The following ESRRG variants were observed in gnomAD, a reference collection of about 807,000 sequenced individuals.
ESRRG encodes estrogen related receptor gamma, also known as estrogen-related receptor gamma.
A neutral mutation model predicts 44.0 loss-of-function variants in ESRRG; 13 were observed. That is an observed-to-expected ratio of 0.30 (90% CI 0.19 to 0.47). The LOEUF (loss-of-function observed/expected upper bound fraction) is 0.47. Among genes scored for constraint, ESRRG ranks in the 20% least tolerant of loss-of-function variants. The pLI is 1.00. For missense variants in ESRRG, 395 were observed against 580.6 expected, an observed-to-expected ratio of 0.68 and a Z score of 3.29; for synonymous variants, 215 against 214.6, an observed-to-expected ratio of 1.00 and a Z score of -0.02.
At chr1:216,898,508 C>T (rs987210989) in intron 2 of ESRRG, among the ~76,000 whole-genome samples, 1 of 152,084 alleles carries the variant, frequency 6.6e-6, no homozygotes, top group Admixed American at 6.5e-5. Flanking sequence ...ATCCCAGCTA[C>T]TCAGGAGGCT....
chr1:216,615,669 G>A (rs1394280525), intron 3 of ESRRG, among the ~76,000 whole-genome samples: 1 of 151,522 alleles, frequency 6.6e-6, no homozygotes, highest in Non-Finnish European at 1.5e-5. Flanking sequence ...CCTCACTCTA[G>A]TGTTACCCAT....
At chr1:216,805,954 G>T (rs530329619) in intron 2 of ESRRG, among the ~76,000 whole-genome samples, 1 of 152,248 alleles carries the variant, frequency 6.6e-6, no homozygotes, top group Admixed American at 6.5e-5. Context: ...ACCCAAACGT[G>T]GTTAGCTGGG....
intron 3 of ESRRG, among the ~76,000 whole-genome samples, chr1:216,640,384 G>C (rs1478614152): frequency 6.6e-6 from 1 of 151,980 alleles, no homozygotes; most frequent in African/African-American, 2.4e-5. Context: ...AACCTAGCCT[G>C]CTTCTCATCA....
At chr1:216,824,878 C>T (rs2095363677) in intron 2 of ESRRG, among the ~76,000 whole-genome samples, 1 of 152,188 alleles carries the variant, frequency 6.6e-6, no homozygotes, top group Non-Finnish European at 1.5e-5. Context: ...AGTTTGCTGT[C>T]TACCTGCCTT....
rs1430976705 is a variant in ESRRG, at chr1:216,650,968, C to A, written c.589+5G>T. 1.3e-6 allele frequency: 2 copies of A among 1,583,028 alleles called. No individual in the cohort carries two copies. The highest frequency in any genetic ancestry group is 2.2e-5 in the South Asian group (2 of 90,484). On this transcript the variant is annotated splice_donor_5th_base_variant and intron_variant, in intron 3 of 6. Transcript: ENST00000408911. ...AACCTCAGGGGCACTAGCAAAGAGC[C>A]TTACCTTCTTTCAGCATGCCCACTT...
chr1:216,796,186 G>A (rs988161025), intron 2 of ESRRG, among the ~76,000 whole-genome samples: 1 of 152,180 alleles, frequency 6.6e-6, no homozygotes, highest in African/African-American at 2.4e-5. Flanking sequence ...GAGCAGTGGG[G>A]TGAGGAAGAA....
intron 3 of ESRRG, among the ~76,000 whole-genome samples, chr1:216,613,006 C>A (rs975561748): frequency 3.9e-5 from 6 of 152,130 alleles, no homozygotes; most frequent in Non-Finnish European, 5.9e-5. Flanking sequence ...AAATTTTCAG[C>A]TTTTCGAATT....
intron 2 of ESRRG, among the ~76,000 whole-genome samples, chr1:216,739,958 G>T (rs1388483294): frequency 6.6e-6 from 1 of 152,136 alleles, no homozygotes; most frequent in Admixed American, 6.5e-5. Context: ...CCTGCAGATT[G>T]TCTTGTAAAT....
chr1:217,002,545 T>C (rs756499231), intron 1 of ESRRG, among the ~76,000 whole-genome samples: 26 of 152,040 alleles, frequency 1.7e-4, no homozygotes, highest in Admixed American at 1.2e-3. Context: ...TCTAGGATGA[T>C]CTTTGCCCCT....
chr1:216,665,907 G>T (rs1455571376), intron 2 of ESRRG, among the ~76,000 whole-genome samples: 1 of 152,030 alleles, frequency 6.6e-6, no homozygotes, highest in Admixed American at 6.6e-5. Context: ...GAATTCATGT[G>T]GTTTATAACT....
intron 3 of ESRRG, among the ~76,000 whole-genome samples, chr1:216,650,445 C>T (rs1433084375): frequency 6.6e-6 from 1 of 152,106 alleles, no homozygotes; most frequent in Non-Finnish European, 1.5e-5. Flanking sequence ...GCACAGAACA[C>T]ATGTCACTGT....
chr1:216,665,254 A>G (rs1239639356), intron 2 of ESRRG, among the ~76,000 whole-genome samples: 1 of 152,170 alleles, frequency 6.6e-6, no homozygotes, highest in Non-Finnish European at 1.5e-5. Flanking sequence ...TATAGAAAAA[A>G]AAAATCCTCA....
intron 2 of ESRRG, among the ~76,000 whole-genome samples, chr1:216,783,322 G>C (rs2094002267): frequency 6.6e-6 from 1 of 151,960 alleles, no homozygotes; most frequent in Non-Finnish European, 1.5e-5. Flanking sequence ...CCACACATGC[G>C]AGATGTTTGT....
At chr1:216,724,670 G>A (rs548290595), upstream of ESRRG, among the ~76,000 whole-genome samples, 1 of 152,046 alleles carries the variant, frequency 6.6e-6, no homozygotes, top group African/African-American at 2.4e-5. Context: ...AATCAAAAGT[G>A]TTCAAAAAAA....
At chr1:216,525,810 T>A (rs955765573) in intron 5 of ESRRG, among the ~76,000 whole-genome samples, 1 of 152,170 alleles carries the variant, frequency 6.6e-6, no homozygotes, top group Admixed American at 6.5e-5. Flanking sequence ...GCTTTACCAA[T>A]GTACTGGTAG....
chr1:217,046,906 G>A (rs753076932), intron 1 of ESRRG, among the ~76,000 whole-genome samples: 9 of 152,050 alleles, frequency 5.9e-5, no homozygotes, highest in African/African-American at 1.4e-4. Flanking sequence ...GGGGGGGAAT[G>A]GAAGATATGC....
At chr1:216,804,834 A>G (rs1022577317) in intron 2 of ESRRG, 1 of 152,080 alleles carries the variant, frequency 6.6e-6, no homozygotes, top group African/African-American at 2.4e-5. Context: ...TCTCCTTTAA[A>G]TGTTTCCAAT....
Position 216,694,739 on chromosome 1 carries a change from T to C in ESRRG, c.57-17248A>G, listed in dbSNP as rs11572679. On this transcript the variant is annotated intron_variant, in intron 1 of 6. Transcript: ENST00000408911. ...ACCTGGCTAATTTTTCTTTTTTAAATAGAGACAGGATTTTGCCATATTGCC... is the reference window on the plus strand; with the variant it reads ...ACCTGGCTAATTTTTCTTTTTTAAACAGAGACAGGATTTTGCCATATTGCC... Among the ~76,000 whole-genome samples the C allele has an allele frequency of 3.2e-3, 489 of 152,022 alleles. 1 individual carries two copies. The highest frequency in any genetic ancestry group is 0.011 in the African/African-American group (463 of 41,466).
At chr1:216,563,003 A>T (rs1573034794) in intron 5 of ESRRG, among the ~76,000 whole-genome samples, 2 of 152,210 alleles carry the variant, frequency 1.3e-5, no homozygotes, top group Admixed American at 1.3e-4. Flanking sequence ...GCAATATCAA[A>T]TATCCACACA....
Sources: gnomAD v4.1 joint callset for allele counts (sites outside exome capture counted in the v4.1 genomes callset) on GRCh38, gnomAD v4.1.1 for gene constraint, MANE v1.5 for transcripts, NCBI Gene and HGNC (gene_info 2026-07-23, HGNC 2026-07-21) for gene names.